The following GNAT2 variants were observed in gnomAD, a reference collection of about 807,000 sequenced individuals.
GNAT2 encodes the protein G protein subunit alpha transducin 2.
In GNAT2, 32 loss-of-function variants were observed where a neutral mutation model predicts 40.9. That is an observed-to-expected ratio of 0.78 (90% CI 0.59 to 1.05). The LOEUF (loss-of-function observed/expected upper bound fraction) is 1.05. Among genes scored for constraint, GNAT2 ranks in the 50% least tolerant of loss-of-function variants. The pLI is 0.00. For missense variants in GNAT2, 355 were observed against 431.5 expected, an observed-to-expected ratio of 0.82 and a Z score of 1.57; for synonymous variants, 141 against 157.2, an observed-to-expected ratio of 0.90 and a Z score of 0.77.
intron 4 of GNAT2, chr1:109,609,523 T>A: frequency 4.8e-6 from 1 of 207,018 alleles, no homozygotes; most frequent in Non-Finnish European, 9.9e-6. Flanking sequence ...TGGTCCCACC[T>A]ACTGGGGCTG....
rs909971508 is a variant in GNAT2, at chr1:109,619,508, G to A, written c.-79C>T. 4 of 152,292 alleles carry A rather than the reference G, an allele frequency of 2.6e-5. No homozygotes were observed. Among genetic ancestry groups the A allele is most frequent in the African/African-American group, 9.6e-5 (4 of 41,460 alleles). 9.4% of individuals were successfully genotyped at this position (152,292 alleles called of 1,614,324 possible). A position where few individuals can be genotyped will look rare whatever the true frequency, so the allele number is the denominator to read the frequency against. ...CTACGCCGGCCGGAAGAAAACAGAC[G>A]ACCAAGTGAGATTGCAGGGGCAGGA... is the stretch of plus-strand genomic sequence containing the variant. On this transcript the variant is annotated 5_prime_UTR_variant, in exon 1 of 9. Transcript: ENST00000679935.
chr1:109,612,042 G>C (rs1649812776), intron 2 of GNAT2: 1 of 152,636 alleles, frequency 6.6e-6, no homozygotes, highest in African/African-American at 2.4e-5. Flanking sequence ...TTCTTGTCTT[G>C]GTTTTATTTA....
chr1:109,605,701 T>G (rs980914504), intron 7 of GNAT2: 4 of 430,500 alleles, frequency 9.3e-6, no homozygotes, highest in Non-Finnish European at 1.3e-5. Flanking sequence ...TCAATTCCTC[T>G]TATGAGCTTT....
At chr1:109,614,657 A>C (rs908185695) in intron 1 of GNAT2, 29 of 152,304 alleles carry the variant, frequency 1.9e-4, no homozygotes, top group African/African-American at 7.0e-4. Context: ...CGAAGGATGT[A>C]ATTTGCTCTT....
intron 1 of GNAT2, 110 bp downstream of exon 1, chr1:109,619,373 A>T (rs1650059079): frequency 6.6e-6 from 1 of 152,288 alleles, no homozygotes; most frequent in Non-Finnish European, 1.5e-5. Context: ...GTCAGGAAGT[A>T]GGTGAAATCT....
intron 1 of GNAT2, chr1:109,617,546 T>A (rs746721433): frequency 1.3e-5 from 2 of 152,210 alleles, no homozygotes; most frequent in Non-Finnish European, 2.9e-5. Context: ...AGATTCTTGC[T>A]GGTATGGAGT....
In GNAT2 at chr1:109,608,671, C is replaced by A; in HGVS notation, c.421G>T (p.Glu141Ter). The change falls in exon 5 of 9, where the codon GAG (glutamate) becomes TAG (stop). Residue 141 changes from glutamate to a stop codon, truncating the protein, a stop_gained. Coordinates refer to ENST00000679935, the MANE Select transcript of GNAT2 (RefSeq NM_001377295.2). LOFTEE classifies it high-confidence loss of function. ...WKDGGVQACF[E>*]RAAEYQLNDS... The stretch of plus-strand genomic sequence containing the variant: ...TTAAGCTGGTATTCTGCAGCTCTCT[C>A]GAAGCAGGCTTGCACCCCACCATCC... 1 of 1,614,092 alleles carries A rather than the reference C, an allele frequency of 6.2e-7. No individual in the cohort carries two copies. Among genetic ancestry groups the A allele is most frequent in the Non-Finnish European group, 8.5e-7 (1 of 1,179,974 alleles).
In GNAT2 at chr1:109,608,622, C is replaced by G. The variant is rs746532855; in HGVS notation, c.461+9G>C. ...AGCATCAACCCACCCTCTCACCAGT[C>G]AGTCTTACTAAGATGCGGAGTCATT... On this transcript the variant is annotated intron_variant, in intron 5 of 8. Transcript: ENST00000679935. 2 of 1,612,652 alleles carry G rather than the reference C, an allele frequency of 1.2e-6. No homozygotes were observed. The highest frequency in any genetic ancestry group is 8.5e-7 in the Non-Finnish European group (1 of 1,178,788).
At chr1:109,616,038 C>T (rs929833073) in intron 1 of GNAT2, 1 of 152,216 alleles carries the variant, frequency 6.6e-6, no homozygotes, top group African/African-American at 2.4e-5. Context: ...ATGGAAGTTC[C>T]CCTTTCTCAC....
intron 4 of GNAT2, 70 bp from the exon 5 acceptor site, chr1:109,608,858 G>C: frequency 2.6e-6 from 3 of 1,172,590 alleles, no homozygotes; most frequent in Non-Finnish European, 3.8e-6. Context: ...TGGGAATACT[G>C]CTGAATGGAA....
intron 2 of GNAT2, chr1:109,611,831 GTGTGTCCTTACGAC>G (rs1331700551): frequency 6.6e-6 from 1 of 152,138 alleles, no homozygotes; most frequent in Non-Finnish European, 1.5e-5. Context: ...TGCTCCTTTA[GTGTGTCCTTACGAC>G]TGTGCCACAG....
chr1:109,613,124 G>A (rs1332555280), intron 1 of GNAT2: 2 of 471,728 alleles, frequency 4.2e-6, no homozygotes, highest in Non-Finnish European at 7.8e-6. Flanking sequence ...CTAGCAATGT[G>A]ATAGGTCAAG....
intron 4 of GNAT2, chr1:109,609,833 T>G (rs1437623067): frequency 1.7e-6 from 1 of 593,614 alleles, no homozygotes; most frequent in Non-Finnish European, 3.0e-6. Flanking sequence ...AAAGGTACCG[T>G]CTACCTTAAG....
rs1311176984 is a variant in GNAT2 at position 109,612,841 on chromosome 1, T to C, written c.30A>G (p.Lys10=). Residue 10 remains lysine, a synonymous_variant, in exon 2 of 9, where the codon AAA becomes AAG. Transcript: ENST00000679935. ...GCTCCTTGGACCTCTTGGCCAGTTCTTTGTCCTCAGCACTGGCTCCACTTC... is the reference window on the plus strand; with the variant it reads ...GCTCCTTGGACCTCTTGGCCAGTTCCTTGTCCTCAGCACTGGCTCCACTTC... MGSGASAED[K]ELAKRSKELE... 6.2e-7 allele frequency: 1 copy of C among 1,613,048 alleles called. No homozygotes were observed. Among genetic ancestry groups the C allele is most frequent in the Non-Finnish European group, 8.5e-7 (1 of 1,179,034 alleles).
chr1:109,603,906 C>G (rs187017071), intron 8 of GNAT2, 45 bp downstream of exon 8: 53 of 1,388,544 alleles, frequency 3.8e-5, no homozygotes, highest in Non-Finnish European at 5.4e-5. Flanking sequence ...AATTGCCAGT[C>G]TCTACTAAAA....
At position 109,604,050 on chromosome 1, in the gene GNAT2, A is replaced by G. The variant is rs1448402231; in HGVS notation, c.775T>C (p.Phe259Leu). ...AAGAGGACAATGGAAGTAGCCGCAAAGAATTTGTGGTTACATATGCTGTTG... is the reference window on the plus strand; with the variant it reads ...AAGAGGACAATGGAAGTAGCCGCAAGGAATTTGTGGTTACATATGCTGTTG... ...LFNSICNHKF[F>L]AATSIVLFLN... Residue 259 changes from phenylalanine to leucine, a missense_variant, in exon 8 of 9, where the codon TTT (phenylalanine) becomes CTT (leucine). Transcript: ENST00000679935. 1 of 1,611,258 alleles carries G rather than the reference A, an allele frequency of 6.2e-7. No homozygotes were observed.
At chr1:109,605,701 T>C (rs980914504) in intron 7 of GNAT2, 1 of 430,618 alleles carries the variant, frequency 2.3e-6, no homozygotes, top group Non-Finnish European at 4.4e-6. Flanking sequence ...TCAATTCCTC[T>C]TATGAGCTTT....
At chr1:109,604,759 G>A in intron 7 of GNAT2, 1 of 156,506 alleles carries the variant, frequency 6.4e-6, no homozygotes, top group Admixed American at 6.1e-5. Context: ...TAGGGAGCAG[G>A]TCTTTAGGGT....
intron 4 of GNAT2, chr1:109,609,624 C>G (rs1338029962): frequency 3.2e-6 from 1 of 315,552 alleles, no homozygotes; most frequent in African/African-American, 2.2e-5. Flanking sequence ...AGAGGAAGAC[C>G]CTGTCCCAGT....
Sources: gnomAD v4.1 joint callset for allele counts on GRCh38, gnomAD v4.1.1 for gene constraint, MANE v1.5 for transcripts, NCBI Gene and HGNC (gene_info 2026-07-23, HGNC 2026-07-21) for gene names.